The following PPP2R5A variants were observed in gnomAD, a reference collection of about 807,000 sequenced individuals.
PPP2R5A encodes serine/threonine-protein phosphatase 2A 56 kDa regulatory subunit alpha isoform.
PPP2R5A carries 25 observed loss-of-function variants against 64.2 expected under a neutral mutation model. The observed-to-expected ratio is 0.39, with a 90% CI of 0.28 to 0.54. The LOEUF (loss-of-function observed/expected upper bound fraction) is 0.54, where lower values mean the gene tolerates loss of function less well. PPP2R5A is among the 20% of genes least tolerant of loss of function. The pLI, the probability that PPP2R5A is intolerant of heterozygous loss-of-function variation, is 0.67. For missense variants in PPP2R5A, 425 were observed against 576.3 expected (o/e 0.74, Z 2.69); for synonymous variants, 198 against 201.2 (o/e 0.98, Z 0.13).
chr1:212,308,698 C>T (rs899613546), intron 1 of PPP2R5A, among the ~76,000 whole-genome samples: 8 of 152,208 alleles, frequency 5.3e-5, no homozygotes, highest in South Asian at 2.1e-4. Flanking sequence ...CCTGAGCCAC[C>T]GCACCTGGCT....
At chr1:212,354,840 A>G (rs111908878) in intron 8 of PPP2R5A, among the ~76,000 whole-genome samples, 1 of 152,300 alleles carries the variant, frequency 6.6e-6, no homozygotes, top group Non-Finnish European at 1.5e-5. Context: ...CACAAATACT[A>G]TTGTTACAAC....
rs966675590 is a variant in PPP2R5A at position 212,294,116 on chromosome 1, AT to A, written c.181+7833del. 1.2e-4 allele frequency among the ~76,000 whole-genome samples: 18 copies of A among 151,908 alleles called. 1 individual carries two copies. Among genetic ancestry groups the A allele is most frequent in the South Asian group, 2.1e-4 (1 of 4,820 alleles). On this transcript the variant is annotated intron_variant, in intron 1 of 12. Coordinates refer to ENST00000261461, the MANE Select transcript of PPP2R5A (RefSeq NM_006243.4). ...AGTAGTATCAAATCTAAAATTGTAT[AT>A]TTTTTTTCAGCAGAACGCAGATTTT... is the stretch of plus-strand genomic sequence containing the variant.
In PPP2R5A at chr1:212,355,581, C is replaced by A. The variant is rs1002800530; in HGVS notation, c.928-1045C>A. On this transcript the variant is annotated intron_variant, in intron 8 of 12. Coordinates refer to ENST00000261461, the MANE Select transcript of PPP2R5A (RefSeq NM_006243.4). ...GATTGCTGGTGGTTTCTGATAAATT[C>A]TTTTAGTTCTAGCTTACTAAATTTT... Among the ~76,000 whole-genome samples, 17 of 151,894 alleles carry A rather than the reference C, an allele frequency of 1.1e-4. 1 individual carries two copies. The South Asian group carries it at 1.7e-3, about 15-fold the overall frequency.
intron 1 of PPP2R5A, among the ~76,000 whole-genome samples, chr1:212,293,289 T>C (rs1454061356): frequency 6.6e-6 from 1 of 152,248 alleles, no homozygotes; most frequent in Non-Finnish European, 1.5e-5. Context: ...GGAAAAGTAA[T>C]ACTGGGTTGA....
At position 212,286,179 on chromosome 1, in the gene PPP2R5A, C is replaced by T. The variant is rs769744669; in HGVS notation, c.69C>T (p.Gly23=). 4 of 1,590,188 alleles carry T rather than the reference C, an allele frequency of 2.5e-6. No homozygotes were observed. Among genetic ancestry groups the T allele is most frequent in the Non-Finnish European group, 3.4e-6 (4 of 1,169,950 alleles). Residue 23 remains glycine, a synonymous_variant, in exon 1 of 13, where the codon GGC becomes GGT. Coordinates refer to ENST00000261461, the MANE Select transcript of PPP2R5A (RefSeq NM_006243.4). ...AAISASEKVD[G]FTRKSVRKAQ... ...TCTCGGCCTCGGAGAAAGTGGACGG[C>T]TTCACCCGGAAATCGGTCCGCAAGG...
At chr1:212,302,139 G>C in intron 1 of PPP2R5A, 1 of 1,453,366 alleles carries the variant, frequency 6.9e-7, no homozygotes, top group Non-Finnish European at 9.3e-7. Context: ...TTGAAATCTT[G>C]AGGAGAGAAA....
At position 212,297,825 on chromosome 1, in the gene PPP2R5A, C is replaced by CTTTTTTTTTTATTTTTA. The variant is rs1368421837; in HGVS notation, c.181+11540_181+11541insTTTTATTTTTATTTTTT. 5.4e-4 allele frequency: 12 copies of CTTTTTTTTTTATTTTTA among 22,120 alleles called. 2 individuals are homozygous for CTTTTTTTTTTATTTTTA. The highest frequency in any genetic ancestry group is 8.3e-4 in the Non-Finnish European group (11 of 13,234). 1.4% of individuals were successfully genotyped at this position (22,120 alleles called of 1,614,324 possible). On this transcript the variant is annotated intron_variant, in intron 1 of 12. Transcript: ENST00000261461. ...AAGTGAATTGTTTTTTTTTTTTTTT[C>CTTTTTTTTTTATTTTTA]TTTTTTATTTTTATTGATCATTCTT...
rs946050814 is a variant in PPP2R5A, at chr1:212,361,379, C to G, written c.*609C>G. ...ATAAATAAAAGCTGGGAAAGTAAAC[C>G]AAAATTCTTCAGATTGTTCCTCATG... On this transcript the variant is annotated 3_prime_UTR_variant, in exon 13 of 13. Coordinates refer to ENST00000261461, the MANE Select transcript of PPP2R5A (RefSeq NM_006243.4). The G allele has an allele frequency of 6.6e-6, 1 of 152,558 alleles. No homozygotes were observed. The highest frequency in any genetic ancestry group is 2.4e-5 in the African/African-American group (1 of 41,398). The allele number at this position is 152,558 out of a possible 1,614,324, so 9.5% of individuals were successfully genotyped here.
intron 1 of PPP2R5A, chr1:212,302,042 A>G: frequency 6.6e-7 from 1 of 1,525,852 alleles, no homozygotes; most frequent in Non-Finnish European, 8.8e-7. Context: ...AGTTTAGTTT[A>G]TCACTGATTT....
At chr1:212,310,716 G>A (rs190791360) in intron 1 of PPP2R5A, among the ~76,000 whole-genome samples, 2 of 152,322 alleles carry the variant, frequency 1.3e-5, no homozygotes, top group Admixed American at 1.3e-4. Flanking sequence ...TATTTTTTTA[G>A]CAGTGTTGCA....
rs1659800788 is a variant in PPP2R5A, at chr1:212,347,349, T to A, written c.707T>A (p.Phe236Tyr). The A allele has an allele frequency of 6.4e-7, 1 of 1,570,964 alleles. No homozygotes were observed. Residue 236 changes from phenylalanine to tyrosine, a missense_variant and splice_region_variant, in exon 6 of 13, where the codon TTT becomes TAT. By Grantham distance (22) the Phe-to-Tyr change is conservative. Transcript: ENST00000261461. ...TCTTGTCTTTATTTTAAATTCAGGT[T>A]TATATATGAAACAGAACATTTCAAT... Reference protein sequence around the residue: ...RKQINNIFLRFIYETEHFNGV... With the variant: ...RKQINNIFLRYIYETEHFNGV...
At position 212,360,709 on chromosome 1, in the gene PPP2R5A, T is replaced by A. The variant is rs573098347; in HGVS notation, c.1400T>A (p.Leu467Gln). 1.9e-6 allele frequency: 3 copies of A among 1,599,662 alleles called. No individual in the cohort carries two copies. Among genetic ancestry groups the A allele is most frequent in the Non-Finnish European group, 2.6e-6 (3 of 1,173,408 alleles). ...GAGGAGCTAAAGCTAAAGAAAGCTC[T>A]AGAAAAACAGAATAGTGCTTACAAC... ...KLEELKLKKALEKQNSAYNMH... is the reference protein window; with the variant it reads ...KLEELKLKKAQEKQNSAYNMH... Residue 467 changes from leucine to glutamine, a missense_variant, in exon 13 of 13, where the codon CTA (leucine) becomes CAA (glutamine). This residue lies in a region of PPP2R5A where 177 missense variants were observed against 244.8 expected (regional missense o/e 0.72). Coordinates refer to ENST00000261461, the MANE Select transcript of PPP2R5A (RefSeq NM_006243.4).
At chr1:212,341,380 C>T (rs996395600) in intron 3 of PPP2R5A, among the ~76,000 whole-genome samples, 5 of 152,032 alleles carry the variant, frequency 3.3e-5, no homozygotes, top group African/African-American at 1.2e-4. Flanking sequence ...ATTAGTTTTC[C>T]CACTGTAGTT....
chr1:212,302,282 C>T (rs1658812227), intron 1 of PPP2R5A, among the ~76,000 whole-genome samples: 1 of 152,166 alleles, frequency 6.6e-6, no homozygotes, highest in South Asian at 2.1e-4. Context: ...AACCAACCCT[C>T]TGTGGCCATC....
intron 1 of PPP2R5A, among the ~76,000 whole-genome samples, chr1:212,306,050 A>C (rs940810196): frequency 6.6e-6 from 1 of 152,156 alleles, no homozygotes; most frequent in Non-Finnish European, 1.5e-5. Context: ...ACCTGAACAA[A>C]GGGGCACGAG....
At position 212,349,007 on chromosome 1, in the gene PPP2R5A, A is replaced by G. The variant is rs953969807; in HGVS notation, c.874-182A>G. Among the ~76,000 whole-genome samples the G allele has an allele frequency of 1.6e-4, 25 of 152,192 alleles. 1 individual carries two copies. Among genetic ancestry groups the G allele is most frequent in the Admixed American group, 1.3e-3 (20 of 15,284 alleles). On this transcript the variant is annotated intron_variant, in intron 7 of 12. Transcript: ENST00000261461. ...ACTTTCAAGGCTAAAAAGTTACACA[A>G]TTGTGAGTATAGTTTCACGATTGAG...
At chr1:212,316,040 C>T (rs1346039589) in intron 1 of PPP2R5A, among the ~76,000 whole-genome samples, 1 of 152,144 alleles carries the variant, frequency 6.6e-6, no homozygotes, top group Non-Finnish European at 1.5e-5. Flanking sequence ...CCTGGTCTTT[C>T]TTCCTCTCCT....
chr1:212,354,562 T>C (rs1375016792), intron 8 of PPP2R5A, among the ~76,000 whole-genome samples: 2 of 152,010 alleles, frequency 1.3e-5, no homozygotes, highest in African/African-American at 4.8e-5. Context: ...CATACACCCG[T>C]AGTCCCAGCT....
chr1:212,318,291 GT>G (rs397771144), intron 1 of PPP2R5A, among the ~76,000 whole-genome samples: 86 of 149,368 alleles, frequency 5.8e-4, no homozygotes, highest in Non-Finnish European at 1.0e-3. Flanking sequence ...AGGCATATCT[GT>G]TTTTTTTTTA....
Sources: gnomAD v4.1 joint callset for allele counts (sites outside exome capture counted in the v4.1 genomes callset) on GRCh38, gnomAD v4.1.1 for gene constraint, gnomAD v4.1.1 regional missense constraint, MANE v1.5 for transcripts, NCBI Gene and HGNC (gene_info 2026-07-23, HGNC 2026-07-21) for gene names.